Variants in WDR73 observed in about 807,000 individuals in gnomAD.
The protein encoded by WDR73 is WD repeat domain 73.
In WDR73, 30 loss-of-function variants were observed where a neutral mutation model predicts 38.2. That is an observed-to-expected ratio of 0.79 (90% CI 0.59 to 1.06). The LOEUF (loss-of-function observed/expected upper bound fraction) is 1.06, where lower values mean the gene tolerates loss of function less well. Ranked by LOEUF, WDR73 falls within the 50% of genes least tolerant of loss-of-function variation. The pLI, the probability that WDR73 is intolerant of heterozygous loss-of-function variation, is 0.00. For missense variants in WDR73, 487 were observed against 467.0 expected (o/e 1.04, Z -0.40); for synonymous variants, 197 against 176.0 (o/e 1.12, Z -0.94).
At chr15:84,646,435 TAG>T in intron 5 of WDR73, 87 bp from the exon 6 acceptor site, 1 of 1,511,646 alleles carries the variant, frequency 6.6e-7, no homozygotes, top group South Asian at 1.3e-5. Context: ...CCTGTACATT[TAG>T]AAGATCAAGG....
rs894014648 is a variant in WDR73, at chr15:84,645,119, T to A, written c.883+352A>T. ...GCGCCTGCCACCATGCCTGGCTAATTTTTTGTATTTTTAGTAGGGACGGGG... is the reference window on the plus strand; with the variant it reads ...GCGCCTGCCACCATGCCTGGCTAATATTTTGTATTTTTAGTAGGGACGGGG... On this transcript the variant is annotated intron_variant, in intron 7 of 7. Transcript: ENST00000434634. 4 of 974,602 alleles carry A rather than the reference T, an allele frequency of 4.1e-6. No individual in the cohort carries two copies. The South Asian group carries it at 8.2e-5, about 20-fold the overall frequency. 60.4% of individuals were successfully genotyped at this position (974,602 alleles called of 1,614,324 possible).
At chr15:84,645,358 C>G in intron 7 of WDR73, 113 bp downstream of exon 7, 2 of 1,548,604 alleles carry the variant, frequency 1.3e-6, no homozygotes, top group Non-Finnish European at 1.7e-6. Context: ...CTGTGAGCAA[C>G]TTTAACTCCT....
At chr15:84,652,052 G>GA (rs1896641078) in intron 3 of WDR73, among the ~76,000 whole-genome samples, 1 of 152,112 alleles carries the variant, frequency 6.6e-6, no homozygotes, top group Admixed American at 6.5e-5. Flanking sequence ...ATTTTTAGTA[G>GA]AGACGGGGTT....
chr15:84,645,760 G>T lies in WDR73; in HGVS notation c.594C>A (p.Gly198=). The change falls in exon 7 of 8, where the codon GGC becomes GGA. Residue 198 remains glycine (G), a synonymous_variant. Coordinates refer to ENST00000434634, the MANE Select transcript of WDR73 (RefSeq NM_032856.5). ...ADTFAFCCAS[G]RLGLVDTRQK... is the part of the protein sequence containing the mutation. ...GCCGGGTGTCAACAAGCCCCAGCCG[G>T]CCTGAAGCACAGCAGAAGGCAAAGG... is the stretch of plus-strand genomic sequence containing the variant. The T allele has an allele frequency of 6.2e-7, 1 of 1,612,546 alleles. No individual in the cohort carries two copies. Among genetic ancestry groups the T allele is most frequent in the Non-Finnish European group, 8.5e-7 (1 of 1,179,238 alleles).
At chr15:84,653,878 G>A (rs1344050081) in intron 1 of WDR73, 179 bp from the exon 2 acceptor site, 2 of 634,538 alleles carry the variant, frequency 3.2e-6, no homozygotes, top group East Asian at 2.7e-5. Flanking sequence ...ATGTCCCTGA[G>A]CCTCGGTCCT....
At position 84,643,559 on chromosome 15, in the gene WDR73, G is replaced by A. The variant is rs369161473; in HGVS notation, c.1048C>T (p.His350Tyr). The stretch of plus-strand genomic sequence containing the variant: ...AACAAAGTCCTTGGTCTGCAGGGAT[G>A]CCAGGTGTGGGTGGTGACCAAAGGA... ...PAPLVTTHTW[H>Y]PCRPRTLLSA... The change falls in exon 8 of 8, where the codon CAT (histidine) becomes TAT (tyrosine). Residue 350 changes from histidine (H) to tyrosine (Y), a missense_variant. His to Tyr is a moderately conservative substitution (Grantham distance 83, BLOSUM62 2). Transcript: ENST00000434634. The A allele has an allele frequency of 3.7e-6, 6 of 1,610,780 alleles. No homozygotes were observed. Among genetic ancestry groups the A allele is most frequent in the African/African-American group, 2.7e-5 (2 of 74,920 alleles).
rs1330849865 is a variant in WDR73 at position 84,640,456 on chromosome 15, C to G, written c.*3014G>C. On this transcript the variant is annotated 3_prime_UTR_variant, in exon 8 of 8. Transcript: ENST00000434634. Reference sequence around the variant, plus strand: ...TCTGCTCTTTAGCCAAGGAGTCTCCCTTCCTGCCTTCAGTAACAACATTAC... The same window carrying G: ...TCTGCTCTTTAGCCAAGGAGTCTCCGTTCCTGCCTTCAGTAACAACATTAC... 2 of 152,252 alleles carry G rather than the reference C, an allele frequency of 1.3e-5. No homozygotes were observed. The highest frequency in any genetic ancestry group is 2.9e-5 in the Non-Finnish European group (2 of 68,062). 9.4% of individuals were successfully genotyped at this position (152,252 alleles called of 1,614,324 possible).
intron 7 of WDR73, chr15:84,644,258 C>T (rs1399995296): frequency 2.6e-5 from 4 of 155,466 alleles, no homozygotes; most frequent in Non-Finnish European, 5.7e-5. Context: ...TTGTCTCCTA[C>T]TCGATGGGGG....
Position 84,646,265 on chromosome 15 carries a change from C to T in WDR73, c.436G>A (p.Ala146Thr). Residue 146 changes from alanine to threonine, a missense_variant, in exon 6 of 8, where the codon GCA becomes ACA. Physicochemically the swap from Ala to Thr is moderately conservative, Grantham distance 58. Coordinates refer to ENST00000434634, the MANE Select transcript of WDR73 (RefSeq NM_032856.5). ...WPRVAVFSTL[A>T]PGVLHGARLR... is the part of the protein sequence containing the mutation. ...CTCGCCCCATGGAGGACTCCGGGTGCCAATGTGGAGAAGACGGCCACCCTA... is the reference window on the plus strand; with the variant it reads ...CTCGCCCCATGGAGGACTCCGGGTGTCAATGTGGAGAAGACGGCCACCCTA... 1.2e-6 allele frequency: 2 copies of T among 1,613,912 alleles called. No homozygotes were observed. The highest frequency in any genetic ancestry group is 1.7e-6 in the Non-Finnish European group (2 of 1,179,892).
At chr15:84,653,540 A>C in intron 2 of WDR73, 92 bp downstream of exon 2, 1 of 897,442 alleles carries the variant, frequency 1.1e-6, no homozygotes, top group South Asian at 1.4e-5. Flanking sequence ...TCAGGTGCCC[A>C]GAAGAGTGGG....
At chr15:84,644,421 A>T (rs1294188392) in intron 7 of WDR73, 1 of 151,336 alleles carries the variant, frequency 6.6e-6, no homozygotes, top group African/African-American at 2.4e-5. Flanking sequence ...GGCATTTCCA[A>T]TCATCCTTTC....
chr15:84,643,957 G>A (rs1324950193), intron 7 of WDR73: 2 of 426,108 alleles, frequency 4.7e-6, no homozygotes, highest in Admixed American at 8.4e-5. Flanking sequence ...GCTATTGGAT[G>A]AGGAATCAAG....
intron 3 of WDR73, among the ~76,000 whole-genome samples, chr15:84,649,037 T>C (rs2141841505): frequency 6.6e-6 from 1 of 152,360 alleles, no homozygotes; most frequent in East Asian, 1.9e-4. Context: ...ATTCACTGTG[T>C]CAGGCGCAGT....
chr15:84,643,477 G>C lies in WDR73; in HGVS notation c.1130C>G (p.Pro377Arg), dbSNP rs887302155. ...HVWDWVDLCA[P>R]R ...GATGGAAAGATGCTGGTGTCAGCGGGGGGCACAAAGGTCCACCCAGTCCCA... is the reference window on the plus strand; with the variant it reads ...GATGGAAAGATGCTGGTGTCAGCGGCGGGCACAAAGGTCCACCCAGTCCCA... Residue 377 changes from proline to arginine, a missense_variant, in exon 8 of 8, where the codon CCC becomes CGC. By Grantham distance (103) the Pro-to-Arg change is moderately radical. Transcript: ENST00000434634. The C allele has an allele frequency of 1.9e-6, 3 of 1,555,598 alleles. No homozygotes were observed. Among genetic ancestry groups the C allele is most frequent in the Admixed American group, 2.0e-5 (1 of 51,244 alleles).
chr15:84,643,999 AT>A (rs1199639160), intron 7 of WDR73: 1 of 339,640 alleles, frequency 2.9e-6, no homozygotes, highest in East Asian at 6.8e-5. Context: ...GGCAAGTAGC[AT>A]CTGCCCTCAG....
In WDR73 at chr15:84,643,558, T is replaced by C; in HGVS notation, c.1049A>G (p.His350Arg). The part of the protein sequence containing the change: ...PAPLVTTHTW[H>R]PCRPRTLLSA... Reference sequence around the variant, plus strand: ...TAACAAAGTCCTTGGTCTGCAGGGATGCCAGGTGTGGGTGGTGACCAAAGG... The same window carrying C: ...TAACAAAGTCCTTGGTCTGCAGGGACGCCAGGTGTGGGTGGTGACCAAAGG... The change falls in exon 8 of 8, where the codon CAT becomes CGT. Residue 350 changes from histidine (H) to arginine (R), a missense_variant. Coordinates refer to ENST00000434634, the MANE Select transcript of WDR73 (RefSeq NM_032856.5). The C allele has an allele frequency of 6.2e-7, 1 of 1,610,860 alleles. No homozygotes were observed. The highest frequency in any genetic ancestry group is 8.5e-7 in the Non-Finnish European group (1 of 1,178,562).
At position 84,643,662 on chromosome 15, in the gene WDR73, ATCTTGGCTCCG is replaced by A. The variant is rs759027137; in HGVS notation, c.934_944del (p.Arg312TrpfsTer48). The A allele has an allele frequency of 3.3e-5, 35 of 1,068,884 alleles. No individual in the cohort carries two copies. Among genetic ancestry groups the A allele is most frequent in the African/African-American group, 5.3e-5 (3 of 57,116 alleles). The allele number at this position is 1,068,884 out of a possible 1,614,324, so 66.2% of individuals were successfully genotyped here. A position where few individuals can be genotyped will look rare whatever the true frequency, so the allele number is the denominator to read the frequency against. ...GAGGTTCTACTTGGCTCCGTGTTCC[ATCTTGGCTCCG>A]TGTTCCATCCCAAGATGTGGCATCA... On this transcript the variant is annotated frameshift_variant, in exon 8 of 8. Transcript: ENST00000434634. LOFTEE classifies it high-confidence loss of function.
At chr15:84,643,781 TTTTC>T (rs1596048321) in intron 7 of WDR73, 58 bp from the exon 8 acceptor site, 30 of 1,487,824 alleles carry the variant, frequency 2.0e-5, no homozygotes, top group East Asian at 1.5e-4. Flanking sequence ...TTTAAAATAA[TTTTC>T]TTTCTATTTT....
Position 84,647,927 on chromosome 15 carries a change from A to G in WDR73, c.315T>C (p.Gly105=), listed in dbSNP as rs769441778. 3.1e-6 allele frequency: 5 copies of G among 1,614,006 alleles called. No homozygotes were observed. The South Asian group carries it at 3.3e-5, about 11-fold the overall frequency. Residue 105 remains glycine (G), a synonymous_variant, in exon 5 of 8, where the codon GGT becomes GGC. Coordinates refer to ENST00000434634, the MANE Select transcript of WDR73 (RefSeq NM_032856.5). Reference sequence around the variant, plus strand: ...CAACCTGCCACACCTGCAGATAACAACCTGGAAGGCCACTGGTAACCAGCA... The same window carrying G: ...CAACCTGCCACACCTGCAGATAACAGCCTGGAAGGCCACTGGTAACCAGCA... ...TRLLVTSGLP[G]CYLQVWQVAE...
Sources: allele counts gnomAD v4.1 joint callset (sites outside exome capture counted in the v4.1 genomes callset), GRCh38; gene constraint gnomAD v4.1.1; transcripts MANE v1.5; gene names NCBI Gene and HGNC (gene_info 2026-07-23, HGNC 2026-07-21).